Variants in DLG2 observed in about 807,000 individuals in gnomAD.
DLG2 encodes disks large homolog 2.
In DLG2, 45 loss-of-function variants were observed where a neutral mutation model predicts 132.5. The ratio of observed to expected loss-of-function variants is 0.34; its 90% confidence interval spans 0.27 to 0.44. The LOEUF (loss-of-function observed/expected upper bound fraction) is 0.44, where lower values mean the gene tolerates loss of function less well. Among genes scored for constraint, DLG2 ranks in the 20% least tolerant of loss-of-function variants. The probability of loss-of-function intolerance (pLI) is 1.00; values close to 1 mark genes in which losing one functional copy is unlikely to be tolerated. For missense variants in DLG2, 1,045 were observed against 1,196.9 expected (o/e 0.87, Z 1.87); for synonymous variants, 424 against 419.6 (o/e 1.01, Z -0.13).
Position 83,458,789 on chromosome 11 carries a change from G to A in DLG2, c.*1029C>T, listed in dbSNP as rs2089384394. The A allele has an allele frequency of 6.6e-6, 1 of 152,190 alleles. No homozygotes were observed. The highest frequency in any genetic ancestry group is 6.5e-5 in the Admixed American group (1 of 15,276). The allele number at this position is 152,190 out of a possible 1,614,324, so 9.4% of individuals were successfully genotyped here. A position where few individuals can be genotyped will look rare whatever the true frequency, so the allele number is the denominator to read the frequency against. On this transcript the variant is annotated 3_prime_UTR_variant, in exon 28 of 28. Coordinates refer to ENST00000376104, the MANE Select transcript of DLG2 (RefSeq NM_001142699.3). ...TAAGTTTGTCTCTGAAAAGCCATCA[G>A]CATAAAAAAATGCATTAACCAAATG...
intron 9 of DLG2, among the ~76,000 whole-genome samples, chr11:84,121,510 A>G (rs1435532882): frequency 1.4e-5 from 2 of 140,106 alleles, no homozygotes; most frequent in East Asian, 2.2e-4. Context: ...GACAACTCAT[A>G]TATGTTTACT....
chr11:85,323,647 T>C (rs1475101670), intron 3 of DLG2, among the ~76,000 whole-genome samples: 2 of 152,204 alleles, frequency 1.3e-5, no homozygotes, highest in Non-Finnish European at 2.9e-5. Context: ...CCTCTTTTTA[T>C]CCTCTCCTCC....
chr11:84,164,778 T>C (rs1373523799), intron 8 of DLG2, among the ~76,000 whole-genome samples: 1 of 152,240 alleles, frequency 6.6e-6, no homozygotes, highest in Non-Finnish European at 1.5e-5. Context: ...TACTTAGGTG[T>C]GTCCACCACC....
At chr11:84,932,207 G>C (rs189962109) in intron 6 of DLG2, among the ~76,000 whole-genome samples, 1 of 152,062 alleles carries the variant, frequency 6.6e-6, no homozygotes, top group African/African-American at 2.4e-5. Flanking sequence ...CCTATGTCCT[G>C]AATGGTACTG....
At chr11:85,598,565 C>A in intron 3 of DLG2, 92 bp downstream of exon 3, 1 of 834,624 alleles carries the variant, frequency 1.2e-6, no homozygotes, top group Non-Finnish European at 1.7e-6. Flanking sequence ...CAGTTTGAAA[C>A]TTGGTTAACA....
At chr11:84,251,639 T>TC (rs1356270023) in intron 7 of DLG2, among the ~76,000 whole-genome samples, 15 of 144,900 alleles carry the variant, frequency 1.0e-4, no homozygotes, top group Non-Finnish European at 2.3e-4. Flanking sequence ...TATCTTTTCT[T>TC]TCTTTTTTTT....
intron 3 of DLG2, among the ~76,000 whole-genome samples, chr11:85,569,121 T>C (rs1283353515): frequency 6.6e-6 from 1 of 152,236 alleles, no homozygotes; most frequent in African/African-American, 2.4e-5. Flanking sequence ...AACCTCCACC[T>C]CCCAGGTTTG....
intron 3 of DLG2, among the ~76,000 whole-genome samples, chr11:85,361,309 T>A (rs1310358673): frequency 8.4e-5 from 3 of 35,548 alleles, no homozygotes; most frequent in African/African-American, 1.8e-4. Context: ...CAGACTTTTC[T>A]ATTTTTTTTT....
chr11:83,878,664 C>A (rs963725502), intron 15 of DLG2, among the ~76,000 whole-genome samples: 1 of 152,246 alleles, frequency 6.6e-6, no homozygotes, highest in African/African-American at 2.4e-5. Context: ...ACTTCTCTGT[C>A]CCACCCACAC....
chr11:84,902,264 A>G (rs531380153), intron 6 of DLG2, among the ~76,000 whole-genome samples: 2 of 152,224 alleles, frequency 1.3e-5, no homozygotes, highest in South Asian at 4.1e-4. Flanking sequence ...AACCTGCAAA[A>G]CTAAGAACTC....
chr11:84,796,562 A>G (rs1319567061), intron 6 of DLG2, among the ~76,000 whole-genome samples: 1 of 152,110 alleles, frequency 6.6e-6, no homozygotes, highest in Non-Finnish European at 1.5e-5. Flanking sequence ...TCCCTTTAGC[A>G]TTTCTTGTAA....
In DLG2 at chr11:85,003,541, G is replaced by A. The variant is rs554628097; in HGVS notation, c.357+108120C>T. 4.5e-4 allele frequency among the ~76,000 whole-genome samples: 69 copies of A among 152,094 alleles called. 2 individuals are homozygous for A. The South Asian group carries it at 0.012, about 27-fold the overall frequency. On this transcript the variant is annotated intron_variant, in intron 6 of 27. Transcript: ENST00000376104. ...TTAAGTCATTTAATCTTATGCATAC[G>A]TAAATAATACAAAAATAATTTAATT... is the stretch of plus-strand genomic sequence containing the variant.
chr11:84,035,583 G>A (rs1224389384), intron 11 of DLG2, among the ~76,000 whole-genome samples: 1 of 152,206 alleles, frequency 6.6e-6, no homozygotes, highest in Non-Finnish European at 1.5e-5. Context: ...GATGGAAGAT[G>A]AAGCCAAAGA....
chr11:84,943,964 G>A (rs1218847354), intron 6 of DLG2, among the ~76,000 whole-genome samples: 3 of 151,708 alleles, frequency 2.0e-5, no homozygotes, highest in South Asian at 4.2e-4. Context: ...TGTTTGTCTG[G>A]GAAAGTCTTC....
rs547857893 is a variant in DLG2 at position 84,072,671 on chromosome 11, G to A, written c.750-13187C>T. On this transcript the variant is annotated intron_variant, in intron 10 of 27. Coordinates refer to ENST00000376104, the MANE Select transcript of DLG2 (RefSeq NM_001142699.3). ...AGTCTTGAAGGTCTTGGTACGACAT[G>A]TTAAATAATTTGGACTTGAACTTAA... 3.9e-5 allele frequency among the ~76,000 whole-genome samples: 6 copies of A among 152,326 alleles called. No individual in the cohort carries two copies. In the South Asian group the frequency reaches 6.2e-4, roughly 16 times the overall value.
chr11:84,659,123 TC>T (rs1329932824), intron 6 of DLG2, among the ~76,000 whole-genome samples: 5 of 152,214 alleles, frequency 3.3e-5, no homozygotes, highest in Non-Finnish European at 5.9e-5. Flanking sequence ...GGAACTTCTT[TC>T]TTTTTACTTC....
At position 83,456,353 on chromosome 11, in the gene DLG2, TTTCTGGGCTGAG is replaced by T. The variant is rs2088978316; in HGVS notation, c.*3453_*3464del. 1.3e-5 allele frequency: 2 copies of T among 152,774 alleles called. No individual in the cohort carries two copies. Among genetic ancestry groups the T allele is most frequent in the South Asian group, 4.1e-4 (2 of 4,842 alleles). 9.5% of individuals were successfully genotyped at this position (152,774 alleles called of 1,614,324 possible). On this transcript the variant is annotated 3_prime_UTR_variant, in exon 28 of 28. Coordinates refer to ENST00000376104, the MANE Select transcript of DLG2 (RefSeq NM_001142699.3). ...GTCAGGGCCTCACGCTCAGCTTTAC[TTTCTGGGCTGAG>T]TAGGTGAAACGGCGACCTAAAGTAT...
intron 19 of DLG2, among the ~76,000 whole-genome samples, chr11:83,579,970 AAAATAAATAAAT>A (rs1041738048): frequency 6.6e-6 from 1 of 151,850 alleles, no homozygotes; most frequent in Non-Finnish European, 1.5e-5. Context: ...ACTCTATCTC[AAAATAAATAAAT>A]AAATAAATAA....
At chr11:85,198,973 C>A (rs1047713512) in intron 4 of DLG2, among the ~76,000 whole-genome samples, 14 of 152,254 alleles carry the variant, frequency 9.2e-5, no homozygotes, top group African/African-American at 3.1e-4. Context: ...CTAATGTCAA[C>A]CTTCCCCACA....
Sources: gnomAD v4.1 joint callset for allele counts (sites outside exome capture counted in the v4.1 genomes callset) on GRCh38, gnomAD v4.1.1 for gene constraint, MANE v1.5 for transcripts, NCBI Gene and HGNC (gene_info 2026-07-23, HGNC 2026-07-21) for gene names.